The following AR variants were observed in gnomAD, a reference collection of about 807,000 sequenced individuals.
The protein encoded by AR is dihydrotestosterone receptor.
In AR, 8 loss-of-function variants were observed where a neutral mutation model predicts 53.9. The observed-to-expected ratio is 0.15, with a 90% CI of 0.09 to 0.27. The LOEUF (loss-of-function observed/expected upper bound fraction) is 0.27, where lower values mean the gene tolerates loss of function less well. Among genes scored for constraint, AR ranks in the 10% least tolerant of loss-of-function variants. The pLI is 1.00. For missense variants in AR, 639 were observed against 742.5 expected (o/e 0.86, Z 1.62); for synonymous variants, 359 against 316.4 (o/e 1.13, Z -1.43).
At chrX:67,716,456 G>C (rs963806227) in intron 4 of AR, among the ~76,000 whole-genome samples, 42 of 112,041 alleles carry the variant, frequency 3.7e-4, no homozygotes, top group African/African-American at 1.3e-3. Context: ...CTAGGCAAAA[G>C]TAACTGCCTG....
rs1448304719 is a variant in AR, at chrX:67,546,445, A to C, written c.1299A>C (p.Ser433=). The change falls in exon 1 of 8, where the codon TCA becomes TCC. Residue 433 remains serine (S), a synonymous_variant. Coordinates refer to ENST00000374690, the MANE Select transcript of AR (RefSeq NM_000044.6). ...GGTCACCCTCAGCCGCCGCTTCCTC[A>C]TCCTGGCACACTCTCTTCACAGCCG... The part of the protein sequence containing the change: ...GSGSPSAAAS[S]SWHTLFTAEE... 1 of 1,181,348 alleles carries C rather than the reference A, an allele frequency of 8.5e-7. No homozygotes were observed. Among genetic ancestry groups the C allele is most frequent in the Non-Finnish European group, 1.1e-6 (1 of 881,342 alleles).
In AR at chrX:67,546,582, C is replaced by T. The variant is rs1376963769; in HGVS notation, c.1436C>T (p.Ala479Val). ...GGCGGCGGCGAGGCGGGAGCTGTAG[C>T]CCCCTACGGCTACACTCGGCCCCCT... The part of the protein sequence containing the change: ...GGGGGEAGAV[A>V]PYGYTRPPQG... The change falls in exon 1 of 8, where the codon GCC becomes GTC. Residue 479 changes from alanine (A) to valine (V), a missense_variant. Ala to Val is a moderately conservative substitution (Grantham distance 64, BLOSUM62 0). Around this residue, in one of 5 missense-constraint regions of AR, gnomAD observed 423 missense variants for 377.0 expected, o/e 1.12. Coordinates refer to ENST00000374690, the MANE Select transcript of AR (RefSeq NM_000044.6). 2 of 1,132,026 alleles carry T rather than the reference C, an allele frequency of 1.8e-6. No homozygotes were observed. Among genetic ancestry groups the T allele is most frequent in the South Asian group, 2.1e-5 (1 of 46,571 alleles). 93.3% of individuals were successfully genotyped at this position (1,132,026 alleles called of 1,213,427 possible). A position where few individuals can be genotyped will look rare whatever the true frequency, so the allele number is the denominator to read the frequency against.
At chrX:67,624,782 A>G (rs1216660064) in intron 1 of AR, among the ~76,000 whole-genome samples, 2 of 108,420 alleles carry the variant, frequency 1.8e-5, no homozygotes, top group African/African-American at 3.4e-5. Flanking sequence ...CACACAGCTA[A>G]CATCATACTA....
At chrX:67,660,387 A>C (rs1189903896) in intron 2 of AR, among the ~76,000 whole-genome samples, 1 of 111,585 alleles carries the variant, frequency 9.0e-6, no homozygotes. Flanking sequence ...AATTAATTTT[A>C]GTATAAGGTG....
At chrX:67,592,392 G>T (rs181864995) in intron 1 of AR, among the ~76,000 whole-genome samples, 1 of 111,868 alleles carries the variant, frequency 8.9e-6, no homozygotes, top group African/African-American at 3.2e-5. Context: ...TTTTGAATAA[G>T]ATGTCTTTTA....
intron 3 of AR, among the ~76,000 whole-genome samples, chrX:67,705,115 T>A (rs2076060349): frequency 9.0e-6 from 1 of 111,529 alleles, no homozygotes; most frequent in Non-Finnish European, 1.9e-5. Context: ...CTTAGGATTG[T>A]CTTGGCAATG....
At chrX:67,660,638 CAG>C (rs1323130018) in intron 2 of AR, among the ~76,000 whole-genome samples, 1 of 111,639 alleles carries the variant, frequency 9.0e-6, no homozygotes, top group Non-Finnish European at 1.9e-5. Context: ...AGTTTGAAGT[CAG>C]ATAGCGTGAT....
At chrX:67,623,536 C>A (rs1420690144) in intron 1 of AR, among the ~76,000 whole-genome samples, 1 of 111,391 alleles carries the variant, frequency 9.0e-6, no homozygotes, top group African/African-American at 3.3e-5. Flanking sequence ...AGGCCTATAT[C>A]AACAAAGACA....
At chrX:67,658,628 T>A (rs1926704432) in intron 2 of AR, among the ~76,000 whole-genome samples, 1 of 111,388 alleles carries the variant, frequency 9.0e-6, no homozygotes, top group East Asian at 2.9e-4. Context: ...CCCAGTGAGA[T>A]CACTTGAAAC....
chrX:67,564,915 C>T (rs1921489176), intron 1 of AR, among the ~76,000 whole-genome samples: 1 of 111,825 alleles, frequency 8.9e-6, no homozygotes, highest in African/African-American at 3.3e-5. Context: ...TCTTGTAAAT[C>T]TGTAATCCTA....
chrX:67,566,457 C>A lies in AR; in HGVS notation c.1616+19695C>A, dbSNP rs1921562050. 2.7e-5 allele frequency among the ~76,000 whole-genome samples: 3 copies of A among 111,558 alleles called. No individual in the cohort carries two copies. In the Admixed American group the frequency reaches 2.9e-4, roughly 11 times the overall value. On this transcript the variant is annotated intron_variant, in intron 1 of 7. Coordinates refer to ENST00000374690, the MANE Select transcript of AR (RefSeq NM_000044.6). Reference sequence around the variant, plus strand: ...TTATTTGGGGTAAATGAAGATGAAGCCTTATGAGAAATTGCATTTTAATCT... The same window carrying A: ...TTATTTGGGGTAAATGAAGATGAAGACTTATGAGAAATTGCATTTTAATCT...
chrX:67,585,122 G>A (rs1922476902), intron 1 of AR, among the ~76,000 whole-genome samples: 1 of 109,976 alleles, frequency 9.1e-6, no homozygotes. Context: ...TGGGTGTGGT[G>A]GCACATGCCT....
At chrX:67,663,158 C>A (rs1411097800) in intron 2 of AR, among the ~76,000 whole-genome samples, 1 of 111,431 alleles carries the variant, frequency 9.0e-6, no homozygotes, top group Non-Finnish European at 1.9e-5. Context: ...TGAATTTGAT[C>A]CTGTCATTAT....
chrX:67,712,996 C>G (rs993707488), intron 4 of AR, among the ~76,000 whole-genome samples: 1 of 111,659 alleles, frequency 9.0e-6, no homozygotes, highest in African/African-American at 3.3e-5. Context: ...CCTATAGTTA[C>G]ATAGTCAGAA....
chrX:67,647,861 C>A (rs1215184283), intron 2 of AR, among the ~76,000 whole-genome samples: 1 of 111,974 alleles, frequency 8.9e-6, no homozygotes, highest in East Asian at 2.8e-4. Flanking sequence ...AGCTGTGTTC[C>A]AATAAAACTT....
At chrX:67,664,650 C>G (rs1354188773) in intron 2 of AR, among the ~76,000 whole-genome samples, 1 of 112,230 alleles carries the variant, frequency 8.9e-6, no homozygotes, top group Non-Finnish European at 1.9e-5. Flanking sequence ...AGCTGTCAGA[C>G]AGGGACATTT....
intron 3 of AR, among the ~76,000 whole-genome samples, chrX:67,710,154 C>T (rs1215794074): frequency 2.7e-5 from 3 of 110,610 alleles, no homozygotes; most frequent in African/African-American, 9.9e-5. Context: ...ATCCAATTCA[C>T]TGTTCTTTCT....
At chrX:67,584,909 C>T (rs1035952378) in intron 1 of AR, among the ~76,000 whole-genome samples, 1 of 111,419 alleles carries the variant, frequency 9.0e-6, no homozygotes, top group Admixed American at 9.6e-5. Flanking sequence ...TCACAGTAGC[C>T]TCACTAGGAT....
intron 1 of AR, among the ~76,000 whole-genome samples, chrX:67,605,486 A>G (rs961278258): frequency 9.0e-6 from 1 of 111,687 alleles, no homozygotes; most frequent in Non-Finnish European, 1.9e-5. Flanking sequence ...TGGTTGTGAG[A>G]TGACTCACCC....
Sources: allele counts gnomAD v4.1 joint callset (sites outside exome capture counted in the v4.1 genomes callset), GRCh38; gene constraint gnomAD v4.1.1; regional missense constraint gnomAD v4.1.1; transcripts MANE v1.5; gene names NCBI Gene and HGNC (gene_info 2026-07-23, HGNC 2026-07-21).